Variants in SMAD4 observed in about 807,000 individuals in gnomAD.
SMAD4 encodes SMAD family member 4, also known as MAD homolog 4.
A neutral mutation model predicts 63.2 loss-of-function variants in SMAD4; 7 were observed. The observed-to-expected ratio is 0.11, with a 90% CI of 0.06 to 0.21. The LOEUF (loss-of-function observed/expected upper bound fraction) is 0.21. SMAD4 is among the 10% of genes least tolerant of loss of function. The pLI is 1.00. For synonymous variants in SMAD4, 215 were observed against 235.4 expected, an observed-to-expected ratio of 0.91 and a Z score of 0.79; for missense variants, 312 against 693.8, an observed-to-expected ratio of 0.45 and a Z score of 6.18.
intron 8 of SMAD4, among the ~76,000 whole-genome samples, chr18:51,064,429 T>C (rs963953604): frequency 2.0e-5 from 3 of 152,246 alleles, no homozygotes; most frequent in African/African-American, 7.2e-5. Context: ...TGCTTATTTG[T>C]CTGCCCCTGC....
intron 10 of SMAD4, among the ~76,000 whole-genome samples, chr18:51,072,563 TTCCTAATGTTAATTTAAGATTA>T (rs2144464608): frequency 1.3e-5 from 2 of 152,320 alleles, no homozygotes; most frequent in South Asian, 4.1e-4. Flanking sequence ...GGATTACTGT[TTCCTAATGTTAATTTAAGATTA>T]TATAGTATTG....
At chr18:51,052,322 A>G (rs1385779712) in intron 4 of SMAD4, 1 of 152,630 alleles carries the variant, frequency 6.6e-6, no homozygotes, top group Non-Finnish European at 1.5e-5. Context: ...TGGAGAGGTG[A>G]AGGAACTTGC....
At chr18:51,061,757 T>A (rs1035122080) in intron 8 of SMAD4, among the ~76,000 whole-genome samples, 22 of 152,338 alleles carry the variant, frequency 1.4e-4, no homozygotes, top group African/African-American at 5.3e-4. Context: ...TATCTTAGTA[T>A]ATATTTCCAG....
intron 4 of SMAD4, chr18:51,053,282 C>G (rs1909756975): frequency 6.6e-6 from 1 of 151,946 alleles, no homozygotes; most frequent in Non-Finnish European, 1.5e-5. Flanking sequence ...CTAAGATGTC[C>G]AGGAATTAAT....
At chr18:51,075,212 AGT>A (rs1910442256) in intron 10 of SMAD4, among the ~76,000 whole-genome samples, 1 of 152,076 alleles carries the variant, frequency 6.6e-6, no homozygotes, top group African/African-American at 2.4e-5. Context: ...TTATTTGGAG[AGT>A]GTATGTTATT....
At chr18:51,046,634 A>C (rs1314881112) in intron 1 of SMAD4, among the ~76,000 whole-genome samples, 1 of 152,132 alleles carries the variant, frequency 6.6e-6, no homozygotes, top group Non-Finnish European at 1.5e-5. Flanking sequence ...TAAAGTCAGT[A>C]AGACTTGATT....
chr18:51,071,271 C>T (rs935464839), intron 10 of SMAD4, among the ~76,000 whole-genome samples: 2 of 152,028 alleles, frequency 1.3e-5, no homozygotes, highest in African/African-American at 2.4e-5. Context: ...CACATACACA[C>T]ACACACACAT....
chr18:51,068,413 TA>T (rs1910222247), intron 10 of SMAD4, among the ~76,000 whole-genome samples: 1 of 152,140 alleles, frequency 6.6e-6, no homozygotes, highest in African/African-American at 2.4e-5. Context: ...GAGTAACTCA[TA>T]AAATACTCCT....
At chr18:51,044,395 T>A (rs570412995) in intron 1 of SMAD4, among the ~76,000 whole-genome samples, 1 of 151,830 alleles carries the variant, frequency 6.6e-6, no homozygotes, top group East Asian at 1.9e-4. Context: ...CTTGTAAAAC[T>A]ATTATTATTT....
intron 1 of SMAD4, among the ~76,000 whole-genome samples, chr18:51,037,189 C>CA (rs982604755): frequency 6.6e-6 from 1 of 151,864 alleles, no homozygotes; most frequent in Non-Finnish European, 1.5e-5. Flanking sequence ...CTCAAAAAAA[C>CA]AAAAAAAGTT....
chr18:51,062,950 G>A (rs565307657), intron 8 of SMAD4, among the ~76,000 whole-genome samples: 49 of 125,572 alleles, frequency 3.9e-4, no homozygotes, highest in Non-Finnish European at 8.0e-5. Context: ...TCTGCCTCCC[G>A]GGTTCACACC....
chr18:51,076,036 C>T (rs553381000), intron 10 of SMAD4, among the ~76,000 whole-genome samples: 3 of 152,058 alleles, frequency 2.0e-5, no homozygotes, highest in Non-Finnish European at 4.4e-5. Context: ...ATATACCCAT[C>T]GCACGGATTA....
intron 1 of SMAD4, among the ~76,000 whole-genome samples, chr18:51,044,035 A>G (rs1235084662): frequency 2.0e-5 from 3 of 152,258 alleles, no homozygotes; most frequent in Non-Finnish European, 4.4e-5. Context: ...TGAGACAGAT[A>G]TGTAATCAAA....
Position 51,081,858 on chromosome 18 carries a change from C to T in SMAD4, c.*3391C>T, listed in dbSNP as rs1910619504. 1.3e-5 allele frequency: 3 copies of T among 232,072 alleles called. No individual in the cohort carries two copies. The highest frequency in any genetic ancestry group is 2.6e-5 in the Non-Finnish European group (3 of 117,466). 14.4% of individuals were successfully genotyped at this position (232,072 alleles called of 1,614,324 possible). On this transcript the variant is annotated 3_prime_UTR_variant, in exon 12 of 12. Transcript: ENST00000342988. The stretch of plus-strand genomic sequence containing the variant: ...AAAATTTTACATTTTACTATTAATG[C>T]TCCTTAAGTGTCTATGGAGGTTAAA...
At position 51,084,398 on chromosome 18, in the gene SMAD4, A is replaced by G. The variant is rs1161993535; in HGVS notation, c.*5931A>G. 4.4e-6 allele frequency: 1 copy of G among 225,968 alleles called. No homozygotes were observed. The highest frequency in any genetic ancestry group is 8.8e-6 in the Non-Finnish European group (1 of 113,762). The allele number at this position is 225,968 out of a possible 1,614,324, so 14.0% of individuals were successfully genotyped here. ...TTTTTAGGTCCATTTTGATTAAGTG[A>G]CTTTTGGCTGGATCATTCAGAGCTC... On this transcript the variant is annotated 3_prime_UTR_variant, in exon 12 of 12. Coordinates refer to ENST00000342988, the MANE Select transcript of SMAD4 (RefSeq NM_005359.6).
chr18:51,039,568 A>G (rs1002500928), intron 1 of SMAD4, among the ~76,000 whole-genome samples: 11 of 131,222 alleles, frequency 8.4e-5, no homozygotes, highest in African/African-American at 3.2e-4. Context: ...GTTCTTTTTC[A>G]TCAGAAACAA....
intron 1 of SMAD4, among the ~76,000 whole-genome samples, chr18:51,033,868 G>T (rs1006392428): frequency 3.9e-5 from 6 of 152,188 alleles, no homozygotes; most frequent in Non-Finnish European, 8.8e-5. Context: ...AACTAGGGTA[G>T]TGCTTACATA....
chr18:51,075,732 A>G (rs1033053703), intron 10 of SMAD4, among the ~76,000 whole-genome samples: 1 of 152,186 alleles, frequency 6.6e-6, no homozygotes, highest in Admixed American at 6.5e-5. Context: ...TTACTATGCC[A>G]GTTCTTCACT....
Position 51,049,319 on chromosome 18 carries a change from G to A in SMAD4, c.449G>A (p.Ser150Asn), listed in dbSNP as rs750355699. The A allele has an allele frequency of 5.6e-6, 9 of 1,595,974 alleles. No homozygotes were observed. In the East Asian group the frequency reaches 1.6e-4, roughly 28 times the overall value. ...GIDLSGLTLQ[S>N]NAPSSMMVKD... The stretch of plus-strand genomic sequence containing the variant: ...GATCTCTCAGGATTAACACTGCAGA[G>A]TAATGGTAGGTAATCTGTTTCTTAC... Residue 150 changes from serine (S) to asparagine (N), a missense_variant, in exon 4 of 12, where the codon AGT (serine) becomes AAT (asparagine). Around this residue, in one of 4 missense-constraint regions of SMAD4, gnomAD observed 169 missense variants for 211.0 expected, o/e 0.80. Coordinates refer to ENST00000342988, the MANE Select transcript of SMAD4 (RefSeq NM_005359.6).
Sources: gnomAD v4.1 joint callset for allele counts (sites outside exome capture counted in the v4.1 genomes callset) on GRCh38, gnomAD v4.1.1 for gene constraint, gnomAD v4.1.1 regional missense constraint, MANE v1.5 for transcripts, NCBI Gene and HGNC (gene_info 2026-07-23, HGNC 2026-07-21) for gene names.